The following NR2F1-AS1 variants were observed in gnomAD, a reference collection of about 807,000 sequenced individuals.
NR2F1-AS1 encodes the protein NR2F1 antisense RNA 1.
At chr5:93,526,539 C>T (rs569677382) in intron 4 of NR2F1-AS1, among the ~76,000 whole-genome samples, 2 of 152,038 alleles carry the variant, frequency 1.3e-5, no homozygotes, top group Admixed American at 6.6e-5. Context: ...AGAGACATAA[C>T]ACAAAAAGGA....
chr5:93,430,364 A>G (rs1455238678), intron 4 of NR2F1-AS1, among the ~76,000 whole-genome samples: 2 of 152,208 alleles, frequency 1.3e-5, no homozygotes, highest in Non-Finnish European at 2.9e-5. Context: ...CACTTCCGCC[A>G]AGTGAGAGTG....
chr5:93,457,020 CA>C (rs907056471), intron 4 of NR2F1-AS1, among the ~76,000 whole-genome samples: 24 of 152,210 alleles, frequency 1.6e-4, no homozygotes, highest in African/African-American at 5.8e-4. Context: ...CTCCTATCTC[CA>C]GTAGATGGAA....
chr5:93,491,554 G>C (rs565374075), intron 4 of NR2F1-AS1, among the ~76,000 whole-genome samples: 1 of 152,284 alleles, frequency 6.6e-6, no homozygotes, highest in East Asian at 1.9e-4. Flanking sequence ...GTGTGTCTGT[G>C]AGAGTGTGTC....
chr5:93,477,740 T>C (rs1580260136), intron 4 of NR2F1-AS1, among the ~76,000 whole-genome samples: 3 of 152,166 alleles, frequency 2.0e-5, no homozygotes, highest in Non-Finnish European at 2.9e-5. Context: ...AAAGCATTTT[T>C]CCCCAAATGT....
intron 4 of NR2F1-AS1, among the ~76,000 whole-genome samples, chr5:93,468,435 G>C (rs1345675618): frequency 6.6e-6 from 1 of 152,194 alleles, no homozygotes; most frequent in East Asian, 1.9e-4. Context: ...TCTGTTGGCT[G>C]CATAAATGTC....
chr5:93,548,574 T>G (rs1752144227), intron 4 of NR2F1-AS1, among the ~76,000 whole-genome samples: 1 of 152,102 alleles, frequency 6.6e-6, no homozygotes, highest in Non-Finnish European at 1.5e-5. Flanking sequence ...CTATAATTAA[T>G]AAACTGGGTC....
upstream of NR2F1-AS1, among the ~76,000 whole-genome samples, chr5:93,581,908 GTC>G (rs368238145): frequency 0.01 from 410 of 39,624 alleles, 17 homozygotes; most frequent in African/African-American, 0.018. Context: ...CTCTCTCTGG[GTC>G]TCTCTCTCTC....
intron 4 of NR2F1-AS1, among the ~76,000 whole-genome samples, chr5:93,440,800 C>T (rs1028567944): frequency 6.6e-5 from 10 of 152,202 alleles, no homozygotes; most frequent in African/African-American, 2.4e-4. Context: ...AGTTTCAGCA[C>T]TACCAGCTTT....
intron 4 of NR2F1-AS1, among the ~76,000 whole-genome samples, chr5:93,485,127 A>G (rs141945121): frequency 1.6e-4 from 25 of 152,326 alleles, no homozygotes; most frequent in African/African-American, 6.0e-4. Flanking sequence ...ATAGACACCT[A>G]CAGAACTCTC....
intron 1 of NR2F1-AS1, among the ~76,000 whole-genome samples, chr5:93,564,601 T>C (rs1752574010): frequency 6.6e-6 from 1 of 152,198 alleles, no homozygotes; most frequent in Non-Finnish European, 1.5e-5. Flanking sequence ...GGCTACTGAA[T>C]AGAAACAAGA....
At chr5:93,539,357 G>A (rs990123315) in intron 4 of NR2F1-AS1, among the ~76,000 whole-genome samples, 2 of 152,164 alleles carry the variant, frequency 1.3e-5, no homozygotes, top group Non-Finnish European at 2.9e-5. Context: ...ATCAACCTAT[G>A]TATTCAACAA....
rs565645759 is a variant in NR2F1-AS1 at position 93,430,033 on chromosome 5, A to G, written n.639-34491T>C. Reference sequence around the variant, plus strand: ...GCTTTTCTGTTTTGACAATCTAAGCACTGTCTAAACATTGTTTCATGAAAT... The same window carrying G: ...GCTTTTCTGTTTTGACAATCTAAGCGCTGTCTAAACATTGTTTCATGAAAT... On this transcript the variant is annotated intron_variant and non_coding_transcript_variant, in intron 4 of 5. Transcript: ENST00000660523. Among the ~76,000 whole-genome samples, 5 of 152,316 alleles carry G rather than the reference A, an allele frequency of 3.3e-5. No homozygotes were observed. In the South Asian group the frequency reaches 1.0e-3, roughly 32 times the overall value.
At chr5:93,506,354 A>T (rs1751185755) in intron 4 of NR2F1-AS1, among the ~76,000 whole-genome samples, 1 of 152,290 alleles carries the variant, frequency 6.6e-6, no homozygotes, top group Admixed American at 6.5e-5. Flanking sequence ...TGAGCCCTCC[A>T]AACTGTTCCA....
intron 4 of NR2F1-AS1, among the ~76,000 whole-genome samples, chr5:93,446,805 C>G (rs886509610): frequency 6.6e-6 from 1 of 152,164 alleles, no homozygotes; most frequent in Non-Finnish European, 1.5e-5. Context: ...TCAAACTATA[C>G]TACAAGGCTA....
intron 4 of NR2F1-AS1, among the ~76,000 whole-genome samples, chr5:93,431,697 T>A (rs1749327981): frequency 6.6e-6 from 1 of 152,208 alleles, no homozygotes. Context: ...TATGTTTCAT[T>A]CCGTAAACCC....
chr5:93,462,973 A>C lies in NR2F1-AS1; in HGVS notation n.639-67431T>G, dbSNP rs568170011. Among the ~76,000 whole-genome samples the C allele has an allele frequency of 2.0e-3, 312 of 152,256 alleles. 1 individual carries two copies. Among genetic ancestry groups the C allele is most frequent in the Non-Finnish European group, 3.4e-3 (228 of 68,020 alleles). ...ACCTGATGACATGATAGAAAAGAAA[A>C]CCCCATTTTCTGAGGAGAAATTCAA... On this transcript the variant is annotated intron_variant and non_coding_transcript_variant, in intron 4 of 5. Transcript: ENST00000660523.
intron 4 of NR2F1-AS1, among the ~76,000 whole-genome samples, chr5:93,528,840 T>C (rs561638629): frequency 1.4e-4 from 21 of 151,440 alleles, no homozygotes; most frequent in Admixed American, 6.6e-4. Flanking sequence ...TAAGTGGGAA[T>C]TGAACAATGA....
intron 4 of NR2F1-AS1, among the ~76,000 whole-genome samples, chr5:93,457,462 T>C (rs1008314431): frequency 6.6e-6 from 1 of 152,162 alleles, no homozygotes; most frequent in Non-Finnish European, 1.5e-5. Flanking sequence ...GGTTACAGAT[T>C]AACAGCATCT....
intron 4 of NR2F1-AS1, among the ~76,000 whole-genome samples, chr5:93,507,011 AG>A (rs1751198926): frequency 6.6e-6 from 1 of 152,190 alleles, no homozygotes; most frequent in Non-Finnish European, 1.5e-5. Context: ...GTCATAATCA[AG>A]TAAGATTTAT....
Sources: gnomAD v4.1 joint callset for allele counts (sites outside exome capture counted in the v4.1 genomes callset) on GRCh38, gnomAD v4.1.1 for gene constraint, MANE v1.5 for transcripts, NCBI Gene and HGNC (gene_info 2026-07-23, HGNC 2026-07-21) for gene names.